Variants in DLG2 observed in about 807,000 individuals in gnomAD.
The protein encoded by DLG2 is discs large MAGUK scaffold protein 2, also known as disks large homolog 2.
DLG2 carries 45 observed loss-of-function variants against 132.5 expected under a neutral mutation model. That is an observed-to-expected ratio of 0.34 (90% CI 0.27 to 0.44). The LOEUF is 0.44. Among genes scored for constraint, DLG2 ranks in the 20% least tolerant of loss-of-function variants. DLG2 has a pLI of 1.00. For missense variants in DLG2, 1,045 were observed against 1,196.9 expected, an observed-to-expected ratio of 0.87 and a Z score of 1.87; for synonymous variants, 424 against 419.6, an observed-to-expected ratio of 1.01 and a Z score of -0.13.
chr11:84,742,870 G>A (rs547884537), intron 6 of DLG2, among the ~76,000 whole-genome samples: 44 of 152,038 alleles, frequency 2.9e-4, no homozygotes, highest in South Asian at 1.9e-3. Context: ...TGGTTTTACC[G>A]TTTCCAGAAT....
At chr11:83,474,950 T>C (rs1038947578) in intron 22 of DLG2, among the ~76,000 whole-genome samples, 5 of 152,158 alleles carry the variant, frequency 3.3e-5, no homozygotes, top group African/African-American at 1.2e-4. Context: ...AAAGCATAGC[T>C]TTGATTAATT....
intron 18 of DLG2, among the ~76,000 whole-genome samples, chr11:83,664,512 C>A (rs933504228): frequency 2.6e-5 from 4 of 151,388 alleles, no homozygotes; most frequent in African/African-American, 4.9e-5. Context: ...GGCTTTTGTA[C>A]ACTGGGAGGT....
intron 6 of DLG2, among the ~76,000 whole-genome samples, chr11:84,735,065 T>C (rs999755841): frequency 2.0e-5 from 3 of 152,176 alleles, no homozygotes; most frequent in African/African-American, 7.2e-5. Context: ...GATTTTTGCA[T>C]CAATGTTCAT....
chr11:84,971,199 G>A (rs944905230), intron 6 of DLG2, among the ~76,000 whole-genome samples: 34 of 152,026 alleles, frequency 2.2e-4, no homozygotes, highest in Non-Finnish European at 4.4e-4. Flanking sequence ...TAAACATAGC[G>A]AAAAAATGTG....
chr11:84,999,213 GA>G (rs1691473397), intron 6 of DLG2, among the ~76,000 whole-genome samples: 1 of 152,054 alleles, frequency 6.6e-6, no homozygotes, highest in Non-Finnish European at 1.5e-5. Flanking sequence ...CTATGTGTGT[GA>G]AAGGGCATCC....
chr11:85,087,631 G>T (rs1174154753), intron 6 of DLG2, among the ~76,000 whole-genome samples: 1 of 151,684 alleles, frequency 6.6e-6, no homozygotes, highest in Non-Finnish European at 1.5e-5. Context: ...GAGGTCAGGA[G>T]ATCGAGACCA....
At chr11:84,741,114 G>T (rs910596688) in intron 6 of DLG2, among the ~76,000 whole-genome samples, 3 of 145,312 alleles carry the variant, frequency 2.1e-5, no homozygotes, top group Admixed American at 7.0e-5. Flanking sequence ...TCGCCCAGGC[G>T]GGAGTGCTGT....
At chr11:83,796,369 T>A (rs1400624534) in intron 17 of DLG2, among the ~76,000 whole-genome samples, 1 of 152,248 alleles carries the variant, frequency 6.6e-6, no homozygotes, top group Non-Finnish European at 1.5e-5. Flanking sequence ...GCTTCAGTTC[T>A]GCCCTCTGAT....
At chr11:85,048,113 C>T (rs997273822) in intron 6 of DLG2, among the ~76,000 whole-genome samples, 16 of 151,584 alleles carry the variant, frequency 1.1e-4, no homozygotes, top group African/African-American at 3.4e-4. Context: ...CTTTTTTTGA[C>T]CTTCAATACA....
At chr11:83,726,892 AC>A (rs2090114739) in intron 18 of DLG2, among the ~76,000 whole-genome samples, 1 of 152,124 alleles carries the variant, frequency 6.6e-6, no homozygotes, top group Admixed American at 6.6e-5. Flanking sequence ...CTTCAGATGA[AC>A]ACTCTCTTCC....
At chr11:84,616,336 T>G (rs940751538) in intron 6 of DLG2, among the ~76,000 whole-genome samples, 1 of 152,124 alleles carries the variant, frequency 6.6e-6, no homozygotes, top group Non-Finnish European at 1.5e-5. Context: ...ATTTGTTTTA[T>G]GTACAATGAA....
chr11:83,819,384 TG>T (rs2050031280), intron 17 of DLG2, among the ~76,000 whole-genome samples: 1 of 146,376 alleles, frequency 6.8e-6, no homozygotes, highest in Admixed American at 7.0e-5. Context: ...GCAGGAGAAT[TG>T]CTTGGACCTG....
chr11:84,833,637 G>A (rs984289259), intron 6 of DLG2, among the ~76,000 whole-genome samples: 3 of 151,262 alleles, frequency 2.0e-5, no homozygotes, highest in African/African-American at 7.3e-5. Flanking sequence ...AAAAAAAAGA[G>A]CAGGGAGTGG....
At chr11:84,718,785 T>G (rs1337633595) in intron 6 of DLG2, among the ~76,000 whole-genome samples, 2 of 152,156 alleles carry the variant, frequency 1.3e-5, no homozygotes, top group African/African-American at 4.8e-5. Flanking sequence ...AGAACCTAAC[T>G]CCTTAGTTAT....
intron 12 of DLG2, among the ~76,000 whole-genome samples, chr11:83,968,060 T>C (rs2090587131): frequency 6.6e-6 from 1 of 152,218 alleles, no homozygotes; most frequent in African/African-American, 2.4e-5. Context: ...ATTTCTTTAA[T>C]GACATAATTG....
At chr11:84,975,243 G>A (rs2054723025) in intron 6 of DLG2, among the ~76,000 whole-genome samples, 1 of 151,984 alleles carries the variant, frequency 6.6e-6, no homozygotes, top group South Asian at 2.1e-4. Context: ...TCTAAATTTG[G>A]TTCACAAAAG....
At chr11:85,521,366 C>T (rs551912772) in intron 3 of DLG2, among the ~76,000 whole-genome samples, 2 of 152,166 alleles carry the variant, frequency 1.3e-5, no homozygotes, top group African/African-American at 4.8e-5. Flanking sequence ...GTTTGCTTCC[C>T]CTTCTGCCAT....
At chr11:84,357,004 A>G (rs2098617791) in intron 7 of DLG2, among the ~76,000 whole-genome samples, 2 of 152,040 alleles carry the variant, frequency 1.3e-5, no homozygotes, top group African/African-American at 4.8e-5. Context: ...GAGTTGCACG[A>G]TGAGAAATGA....
intron 6 of DLG2, among the ~76,000 whole-genome samples, chr11:84,808,933 A>G (rs2076275554): frequency 2.0e-5 from 3 of 151,992 alleles, no homozygotes; most frequent in Admixed American, 2.0e-4. Context: ...ACAGAAGAGG[A>G]GAGAACACAT....
Sources: gnomAD v4.1 joint callset for allele counts (sites outside exome capture counted in the v4.1 genomes callset) on GRCh38, gnomAD v4.1.1 for gene constraint, MANE v1.5 for transcripts, NCBI Gene and HGNC (gene_info 2026-07-23, HGNC 2026-07-21) for gene names.